The following DICER1 variants were observed in gnomAD, a reference collection of about 807,000 sequenced individuals.
DICER1 encodes dicer 1, ribonuclease III, also known as endoribonuclease Dicer.
In DICER1, 43 loss-of-function variants were observed where a neutral mutation model predicts 194.1. That is an observed-to-expected ratio of 0.22 (90% CI 0.17 to 0.29). The LOEUF (loss-of-function observed/expected upper bound fraction) is 0.29. DICER1 is among the 10% of genes least tolerant of loss of function. DICER1 has a pLI of 1.00. For missense variants in DICER1, 1,608 were observed against 2,317.0 expected, an observed-to-expected ratio of 0.69 and a Z score of 6.28; for synonymous variants, 832 against 820.5, an observed-to-expected ratio of 1.01 and a Z score of -0.24.
At position 95,124,249 on chromosome 14, in the gene DICER1, A is replaced by G. The variant is rs1836301267; in HGVS notation, c.1323T>C (p.Ile441=). Residue 441 remains isoleucine (I), a synonymous_variant, in exon 8 of 27, where the codon ATT becomes ATC. Coordinates refer to ENST00000343455, the MANE Select transcript of DICER1 (RefSeq NM_177438.3). The surrounding 1 kb of genome is among the most constrained non-coding windows in gnomAD (Gnocchi z 4.5). ...ETNFPSPFTN[I]LCGIIFVERR... is the part of the protein sequence containing the mutation. ...TTTCCACAAAAATAATTCCGCACAA[A>G]ATGTTGGTAAAAGGAGAAGGAAAAT... The G allele has an allele frequency of 6.2e-7, 1 of 1,613,824 alleles. No individual in the cohort carries two copies. Among genetic ancestry groups the G allele is most frequent in the African/African-American group, 1.3e-5 (1 of 74,884 alleles).
Position 95,130,270 on chromosome 14 carries a change from C to T in DICER1, c.439-78G>A, listed in dbSNP as rs1487044029. On this transcript the variant is annotated intron_variant, in intron 4 of 26. Transcript: ENST00000343455. ...ACTTACATAAAATCAGATCATAGAG[C>T]CATTGTATCATAAGTGAGGATTAAG... is the stretch of plus-strand genomic sequence containing the variant. The T allele has an allele frequency of 2.9e-6, 4 of 1,390,046 alleles. No individual in the cohort carries two copies. In the Admixed American group the frequency reaches 7.0e-5, roughly 24 times the overall value. 86.1% of individuals were successfully genotyped at this position (1,390,046 alleles called of 1,614,324 possible). A position where few individuals can be genotyped will look rare whatever the true frequency, so the allele number is the denominator to read the frequency against.
At chr14:95,127,827 T>A (rs1566808484) in intron 6 of DICER1, among the ~76,000 whole-genome samples, 1 of 152,264 alleles carries the variant, frequency 6.6e-6, no homozygotes, top group Non-Finnish European at 1.5e-5. Context: ...TTTCTTTTGT[T>A]TTTTAGGTTT....
rs202004554 is a variant in DICER1 at position 95,094,068 on chromosome 14, G to A, written c.5184C>T (p.Ser1728=). ...ACCGCAGGTCTGTCAGGACCCCCGG[G>A]GAGTGCTGCCGCGGGTCTTCATAAA... ...KHLYEDPRQH[S]PGVLTDLRSA... The change falls in exon 24 of 27, where the codon TCC becomes TCT. Residue 1728 remains serine (S), a synonymous_variant. Coordinates refer to ENST00000343455, the MANE Select transcript of DICER1 (RefSeq NM_177438.3). 4.3e-6 allele frequency: 7 copies of A among 1,613,980 alleles called. No individual in the cohort carries two copies. The African/African-American group carries it at 8.0e-5, about 18-fold the overall frequency.
In DICER1 at chr14:95,117,751, C is replaced by T. The variant is rs1555373260; in HGVS notation, c.1380G>A (p.Leu460=). 6.2e-7 allele frequency: 1 copy of T among 1,613,816 alleles called. No homozygotes were observed. The highest frequency in any genetic ancestry group is 2.2e-5 in the East Asian group (1 of 44,856). ...RRYTAVVLNR[L]IKEAGKQDPE... is the part of the protein sequence containing the mutation. ...GATCTTGTTTGCCAGCTTCCTTTAT[C>T]AATCTAAGAAAATTATACACATTTG... Residue 460 remains leucine (L), a synonymous_variant, in exon 9 of 27, where the codon TTG becomes TTA. Coordinates refer to ENST00000343455, the MANE Select transcript of DICER1 (RefSeq NM_177438.3).
At chr14:95,112,101 C>A in intron 13 of DICER1, 71 bp downstream of exon 13, 1 of 1,321,728 alleles carries the variant, frequency 7.6e-7, no homozygotes, top group Non-Finnish European at 1.1e-6. Context: ...TCTATAAAGT[C>A]CTCTATATGC....
chr14:95,137,396 G>C (rs970308438), intron 1 of DICER1, among the ~76,000 whole-genome samples: 8 of 140,090 alleles, frequency 5.7e-5, no homozygotes, highest in Non-Finnish European at 1.5e-5. Flanking sequence ...AAAAGGTAAA[G>C]GGGAAAGGGA....
rs751519735 is a variant in DICER1, at chr14:95,132,503, AT to A, written c.307+11del. ...TTCCCCTGCACAACTTGATAAAATA[AT>A]TTTTTATTACCAGAGTTGACCAAGA... On this transcript the variant is annotated intron_variant, in intron 3 of 26. Transcript: ENST00000343455. 6.2e-7 allele frequency: 1 copy of A among 1,613,546 alleles called. No homozygotes were observed. Among genetic ancestry groups the A allele is most frequent in the East Asian group, 2.2e-5 (1 of 44,826 alleles).
At chr14:95,090,767 C>G in intron 26 of DICER1, 104 bp from the exon 27 acceptor site, 1 of 1,359,694 alleles carries the variant, frequency 7.4e-7, no homozygotes, top group Non-Finnish European at 1.0e-6. Flanking sequence ...CATGTATAAG[C>G]TGACACCACA....
chr14:95,137,702 G>A (rs950998099), intron 1 of DICER1, among the ~76,000 whole-genome samples: 1 of 152,196 alleles, frequency 6.6e-6, no homozygotes, highest in Admixed American at 6.5e-5. Flanking sequence ...TAAGGGAAAA[G>A]TCAAGGGTCT....
intron 21 of DICER1, among the ~76,000 whole-genome samples, chr14:95,102,669 G>C (rs183725249): frequency 6.7e-6 from 1 of 148,280 alleles, no homozygotes; most frequent in East Asian, 2.1e-4. Flanking sequence ...GGAGGCTCAT[G>C]TTGCCTTGTG....
intron 17 of DICER1, 54 bp downstream of exon 17, chr14:95,107,554 G>A: frequency 1.3e-6 from 2 of 1,590,884 alleles, no homozygotes; most frequent in Non-Finnish European, 1.7e-6. Context: ...CCGACCTAGT[G>A]CATCTTTTAA....
rs1208813571 is a variant in DICER1, at chr14:95,103,251, G to A, written c.4050+95C>T. 6 of 1,351,050 alleles carry A rather than the reference G, an allele frequency of 4.4e-6. No homozygotes were observed. In the African/African-American group the frequency reaches 8.6e-5, roughly 19 times the overall value. 83.7% of individuals were successfully genotyped at this position (1,351,050 alleles called of 1,614,324 possible). On this transcript the variant is annotated intron_variant, in intron 21 of 26. Transcript: ENST00000343455. ...GGCCGGTGTAGCAATTTCTGAGCAT[G>A]ATACGTTCTCATCCTCTGAGATTAT... is the stretch of plus-strand genomic sequence containing the variant.
Position 95,095,644 on chromosome 14 carries a change from A to G in DICER1, c.5095+181T>C, listed in dbSNP as rs1890236619. ...TCCCAACAACCAAAGTTATAAAGCA[A>G]TACGTGCTCCCCAAATAACAAGGAA... On this transcript the variant is annotated intron_variant, in intron 23 of 26. Coordinates refer to ENST00000343455, the MANE Select transcript of DICER1 (RefSeq NM_177438.3). 6 of 723,876 alleles carry G rather than the reference A, an allele frequency of 8.3e-6. No homozygotes were observed. In the East Asian group the frequency reaches 1.1e-4, roughly 13 times the overall value. The allele number at this position is 723,876 out of a possible 1,614,324, so 44.8% of individuals were successfully genotyped here.
chr14:95,121,825 G>C (rs1372755223), intron 8 of DICER1, among the ~76,000 whole-genome samples: 1 of 152,014 alleles, frequency 6.6e-6, no homozygotes, highest in African/African-American at 2.4e-5. Context: ...GTAAATATAA[G>C]GTACAAAGAA....
At chr14:95,112,029 G>T in intron 13 of DICER1, 143 bp downstream of exon 13, 1 of 743,920 alleles carries the variant, frequency 1.3e-6, no homozygotes, top group Non-Finnish European at 2.4e-6. Flanking sequence ...TAACACTTAT[G>T]TTTATATTCA....
chr14:95,125,863 G>A (rs1044223242), intron 7 of DICER1, among the ~76,000 whole-genome samples: 1 of 151,434 alleles, frequency 6.6e-6, no homozygotes, highest in African/African-American at 2.4e-5. Context: ...AAAGGAAAGA[G>A]GAAAGGAAAG....
rs764424935 is a variant in DICER1 at position 95,089,444 on chromosome 14, C to A, written c.*1054G>T. 30 of 232,614 alleles carry A rather than the reference C, an allele frequency of 1.3e-4. No homozygotes were observed. Among genetic ancestry groups the A allele is most frequent in the Admixed American group, 2.3e-4 (4 of 17,776 alleles). 14.4% of individuals were successfully genotyped at this position (232,614 alleles called of 1,614,324 possible). Reference sequence around the variant, plus strand: ...TTTGCTTCTTAAATAAGTAACCAATCAATTATAAAATCTGCAGCATATTTT... The same window carrying A: ...TTTGCTTCTTAAATAAGTAACCAATAAATTATAAAATCTGCAGCATATTTT... On this transcript the variant is annotated 3_prime_UTR_variant, in exon 27 of 27. Coordinates refer to ENST00000343455, the MANE Select transcript of DICER1 (RefSeq NM_177438.3).
chr14:95,116,445 G>T lies in DICER1; in HGVS notation c.1752+8C>A, dbSNP rs1555372812. 6.2e-7 allele frequency: 1 copy of T among 1,609,562 alleles called. No individual in the cohort carries two copies. The highest frequency in any genetic ancestry group is 8.5e-7 in the Non-Finnish European group (1 of 1,179,782). ...ATCTGCCGGCACATGTTAATATGTT[G>T]ATCTTACCTTTTCAATAGCTTTGTA... On this transcript the variant is annotated splice_region_variant and intron_variant, in intron 10 of 26. Transcript: ENST00000343455.
rs1296914115 is a variant in DICER1, at chr14:95,120,047, C to G, written c.1377-2293G>C. ...GTTCAGAAAACTAATAGATGTATTACAAAAAATTGTGATCTGAATAAACAT... is the reference window on the plus strand; with the variant it reads ...GTTCAGAAAACTAATAGATGTATTAGAAAAAATTGTGATCTGAATAAACAT... On this transcript the variant is annotated intron_variant, in intron 8 of 26. Coordinates refer to ENST00000343455, the MANE Select transcript of DICER1 (RefSeq NM_177438.3). Among the ~76,000 whole-genome samples the G allele has an allele frequency of 2.0e-5, 3 of 152,002 alleles. No individual in the cohort carries two copies. In the East Asian group the frequency reaches 5.8e-4, roughly 29 times the overall value.
Sources: gnomAD v4.1 joint callset for allele counts (sites outside exome capture counted in the v4.1 genomes callset) on GRCh38, gnomAD v4.1.1 for gene constraint, Gnocchi (gnomAD v3.1) non-coding constraint, MANE v1.5 for transcripts, NCBI Gene and HGNC (gene_info 2026-07-23, HGNC 2026-07-21) for gene names.